Variants in IL17RD observed in about 807,000 individuals in gnomAD.
IL17RD encodes interleukin 17 receptor D, also known as interleukin-17 receptor D.
IL17RD carries 52 observed loss-of-function variants against 80.5 expected under a neutral mutation model. The ratio of observed to expected loss-of-function variants is 0.65; its 90% confidence interval spans 0.52 to 0.81. IL17RD has a LOEUF of 0.81. Ranked by LOEUF, IL17RD falls within the 40% of genes least tolerant of loss-of-function variation. IL17RD has a pLI of 0.00. For missense variants in IL17RD, 1,024 were observed against 955.1 expected, an observed-to-expected ratio of 1.07 and a Z score of -0.95; for synonymous variants, 416 against 391.8, an observed-to-expected ratio of 1.06 and a Z score of -0.73.
rs548334313 is a variant in IL17RD at position 57,121,220 on chromosome 3, A to C, written c.127-907T>G. Among the ~76,000 whole-genome samples the C allele has an allele frequency of 3.3e-5, 5 of 152,364 alleles. No individual in the cohort carries two copies. In the East Asian group the frequency reaches 9.6e-4, roughly 29 times the overall value. ...AGCCACACACCTGAAGTTTCCACTC[A>C]ACAAGAAGGATGTTGGAGGGAACCA... On this transcript the variant is annotated intron_variant, in intron 1 of 12. Transcript: ENST00000296318.
chr3:57,148,423 T>C (rs1579313542), intron 1 of IL17RD, among the ~76,000 whole-genome samples: 1 of 152,068 alleles, frequency 6.6e-6, no homozygotes, highest in Admixed American at 6.5e-5. Flanking sequence ...TATTTTTAAA[T>C]CAGATTAACA....
chr3:57,145,216 C>T (rs1212206406), intron 1 of IL17RD, among the ~76,000 whole-genome samples: 1 of 152,152 alleles, frequency 6.6e-6, no homozygotes, highest in Non-Finnish European at 1.5e-5. Context: ...GAGGCAGTCC[C>T]CTTGTTTATG....
At chr3:57,122,740 CTTTT>C (rs754491969) in intron 1 of IL17RD, among the ~76,000 whole-genome samples, 11 of 117,052 alleles carry the variant, frequency 9.4e-5, no homozygotes, top group Non-Finnish European at 1.2e-4. Flanking sequence ...CCTCAACTGT[CTTTT>C]TTTTTTTTTT....
intron 1 of IL17RD, chr3:57,150,380 G>C (rs993683938): frequency 6.6e-6 from 1 of 152,330 alleles, no homozygotes. Context: ...CGACTGCTGG[G>C]GGCATGGGCA....
chr3:57,143,251 T>C (rs1163252180), intron 1 of IL17RD, among the ~76,000 whole-genome samples: 1 of 152,186 alleles, frequency 6.6e-6, no homozygotes, highest in Admixed American at 6.5e-5. Context: ...TACACCAGGA[T>C]GGAGGCAGGG....
rs755403807 is a variant in IL17RD at position 57,096,173 on chromosome 3, A to G, written c.*220T>C. ...CAAGCTGTTGTCAGACCTTATGGAC[A>G]TGCCTTTCAGAGCTCCATATCATTT... On this transcript the variant is annotated 3_prime_UTR_variant, in exon 13 of 13. Coordinates refer to ENST00000296318, the MANE Select transcript of IL17RD (RefSeq NM_017563.5). 3.7e-6 allele frequency: 2 copies of G among 542,068 alleles called. No homozygotes were observed. The highest frequency in any genetic ancestry group is 6.7e-6 in the Non-Finnish European group (2 of 299,090). The allele number at this position is 542,068 out of a possible 1,614,324, so 33.6% of individuals were successfully genotyped here. A position where few individuals can be genotyped will look rare whatever the true frequency, so the allele number is the denominator to read the frequency against.
intron 1 of IL17RD, among the ~76,000 whole-genome samples, chr3:57,152,410 C>T (rs2060233324): frequency 6.6e-6 from 1 of 152,234 alleles, no homozygotes; most frequent in African/African-American, 2.4e-5. Context: ...TCTCTGGATG[C>T]TGAATGTCCC....
chr3:57,102,524 C>A lies in IL17RD; in HGVS notation c.934G>T (p.Ala312Ser), dbSNP rs770673739. The change falls in exon 10 of 13, where the codon GCA becomes TCA. Residue 312 changes from alanine to serine, a missense_variant. By Grantham distance (99) the Ala-to-Ser change is moderately conservative. Coordinates refer to ENST00000296318, the MANE Select transcript of IL17RD (RefSeq NM_017563.5). ...ATCACAGTGAAGAGCGTCGCGAATGCCGATATGACTACCAGTGGCACTGTG... is the reference window on the plus strand; with the variant it reads ...ATCACAGTGAAGAGCGTCGCGAATGACGATATGACTACCAGTGGCACTGTG... ...AITVPLVVIS[A>S]FATLFTVMCR... is the part of the protein sequence containing the mutation. 4 of 1,576,598 alleles carry A rather than the reference C, an allele frequency of 2.5e-6. No individual in the cohort carries two copies. The highest frequency in any genetic ancestry group is 3.5e-6 in the Non-Finnish European group (4 of 1,153,382).
At chr3:57,163,780 T>A (rs1324844019) in intron 1 of IL17RD, among the ~76,000 whole-genome samples, 1 of 9,558 alleles carries the variant, frequency 1.0e-4, no homozygotes, top group African/African-American at 5.0e-4. Context: ...CAGAGCCTAA[T>A]GGGGCGGGGG....
chr3:57,158,432 A>C (rs562058360), intron 1 of IL17RD, among the ~76,000 whole-genome samples: 2 of 152,266 alleles, frequency 1.3e-5, no homozygotes, highest in African/African-American at 4.8e-5. Flanking sequence ...CATTTACACT[A>C]TTAAATCAGA....
rs766048374 is a variant in IL17RD, at chr3:57,105,847, A to T, written c.747+10T>A. 6.2e-7 allele frequency: 1 copy of T among 1,612,740 alleles called. No individual in the cohort carries two copies. ...ACGCAGTGTTCCTTTATATACACCC[A>T]GCAGCTCACCTGCTTACAGGTCTTT... On this transcript the variant is annotated intron_variant, in intron 7 of 12. Coordinates refer to ENST00000296318, the MANE Select transcript of IL17RD (RefSeq NM_017563.5).
chr3:57,166,440 A>T (rs190195296), upstream of IL17RD, among the ~76,000 whole-genome samples: 5 of 152,254 alleles, frequency 3.3e-5, no homozygotes, highest in Admixed American at 3.3e-4. Flanking sequence ...GTTAGAGGTA[A>T]CAGTGAGCTA....
At chr3:57,127,133 G>A (rs1707475920) in intron 1 of IL17RD, among the ~76,000 whole-genome samples, 1 of 141,510 alleles carries the variant, frequency 7.1e-6, no homozygotes, top group East Asian at 2.1e-4. Context: ...CCGGAAGATG[G>A]GTTTTTTTAA....
intron 9 of IL17RD, 35 bp from the exon 10 acceptor site, chr3:57,102,624 A>AG: frequency 8.7e-7 from 1 of 1,143,554 alleles, no homozygotes; most frequent in Non-Finnish European, 1.3e-6. Context: ...TTTAAACTTA[A>AG]GCAGTGTAAA....
chr3:57,163,795 G>GC (rs2060324271), intron 1 of IL17RD, among the ~76,000 whole-genome samples: 1 of 118,848 alleles, frequency 8.4e-6, no homozygotes, highest in Admixed American at 8.2e-5. Flanking sequence ...CGGGGGGGCG[G>GC]GGGGGGAAGG....
In IL17RD at chr3:57,127,412, A is replaced by ATATTTT. The variant is rs1246159104; in HGVS notation, c.127-7100_127-7099insAAAATA. Among the ~76,000 whole-genome samples, 230 of 91,202 alleles carry ATATTTT rather than the reference A, an allele frequency of 2.5e-3. 32 individuals are homozygous for ATATTTT. In the East Asian group the frequency reaches 0.054, roughly 21 times the overall value. The allele number at this position is 91,202 out of a possible 152,430, so 59.8% of individuals were successfully genotyped here. On this transcript the variant is annotated intron_variant, in intron 1 of 12. Transcript: ENST00000296318. ...AATAAATAAATATATATATATATAT[A>ATATTTT]TTTTTTTTTTGAGATAAGAGTCTTG...
At chr3:57,163,755 A>G (rs1271556698) in intron 1 of IL17RD, among the ~76,000 whole-genome samples, 1 of 132,830 alleles carries the variant, frequency 7.5e-6, no homozygotes, top group African/African-American at 2.8e-5. Flanking sequence ...GCTTTACTCA[A>G]CTAGGAAGGA....
Position 57,097,804 on chromosome 3 carries a change from G to C in IL17RD, c.1899C>G (p.Ala633=). The C allele has an allele frequency of 6.2e-7, 1 of 1,606,526 alleles. No homozygotes were observed. Among genetic ancestry groups the C allele is most frequent in the South Asian group, 1.1e-5 (1 of 89,598 alleles). ...QHGGLDQDGE[A]RPALDGSAAL... ...CGGCGCTACCGTCAAGGGCAGGCCG[G>C]GCCTCCCCGTCTTGGTCCAGGCCCC... Residue 633 remains alanine, a synonymous_variant, in exon 12 of 13, where the codon GCC becomes GCG. Transcript: ENST00000296318.
intron 8 of IL17RD, 120 bp downstream of exon 8, chr3:57,104,222 T>C: frequency 1.5e-6 from 1 of 677,582 alleles, no homozygotes; most frequent in South Asian, 1.9e-5. Flanking sequence ...AAGAACCATA[T>C]AAAAATATAA....
Sources: allele counts gnomAD v4.1 joint callset (sites outside exome capture counted in the v4.1 genomes callset), GRCh38; gene constraint gnomAD v4.1.1; transcripts MANE v1.5; gene names NCBI Gene and HGNC (gene_info 2026-07-23, HGNC 2026-07-21).